Variants in PAPPA2 observed in about 807,000 individuals in gnomAD.
The protein encoded by PAPPA2 is pappalysin 2, also known as pappalysin-2.
PAPPA2 carries 86 observed loss-of-function variants against 176.4 expected under a neutral mutation model. That is an observed-to-expected ratio of 0.49 (90% CI 0.41 to 0.58). The LOEUF is 0.58. PAPPA2 is among the 20% of genes least tolerant of loss of function. The pLI is 0.00. For synonymous variants in PAPPA2, 809 were observed against 852.2 expected (o/e 0.95, Z 0.88); for missense variants, 2,073 against 2,256.9 (o/e 0.92, Z 1.65).
intron 10 of PAPPA2, among the ~76,000 whole-genome samples, chr1:176,706,769 G>C (rs962016143): frequency 5.3e-5 from 8 of 152,138 alleles, no homozygotes; most frequent in Non-Finnish European, 8.8e-5. Context: ...CTGCTTCCTA[G>C]CTTAATGTTA....
intron 2 of PAPPA2, among the ~76,000 whole-genome samples, chr1:176,576,491 GTGTGTGTT>G (rs1177733496): frequency 6.6e-6 from 1 of 151,812 alleles, no homozygotes; most frequent in East Asian, 1.9e-4. Context: ...GTGTGTGTGT[GTGTGTGTT>G]TGTGTGTGTC....
At chr1:176,646,014 CA>C (rs1657379122) in intron 3 of PAPPA2, among the ~76,000 whole-genome samples, 1 of 151,416 alleles carries the variant, frequency 6.6e-6, no homozygotes, top group South Asian at 2.1e-4. Flanking sequence ...GAATAGTTTG[CA>C]AATATTTTCT....
chr1:176,794,384 C>G (rs542384471), intron 20 of PAPPA2, among the ~76,000 whole-genome samples: 12 of 152,284 alleles, frequency 7.9e-5, no homozygotes, highest in Non-Finnish European at 1.0e-4. Context: ...ATGTCTTGCA[C>G]AGTTTCTAGC....
At chr1:176,836,736 C>G (rs1231304469) in intron 21 of PAPPA2, 1 of 152,032 alleles carries the variant, frequency 6.6e-6, no homozygotes, top group Non-Finnish European at 1.5e-5. Context: ...CCCTCACCCC[C>G]AAAATCTGGA....
intron 12 of PAPPA2, among the ~76,000 whole-genome samples, chr1:176,735,166 G>A (rs1157258054): frequency 1.3e-5 from 2 of 151,930 alleles, no homozygotes; most frequent in Non-Finnish European, 2.9e-5. Context: ...TATCAAAAAG[G>A]AATAAAATCA....
intron 3 of PAPPA2, among the ~76,000 whole-genome samples, chr1:176,662,258 A>T (rs2102760089): frequency 6.6e-6 from 1 of 152,302 alleles, no homozygotes; most frequent in Non-Finnish European, 1.5e-5. Context: ...TAATTATGCT[A>T]ACTTCATAAA....
intron 12 of PAPPA2, among the ~76,000 whole-genome samples, chr1:176,725,230 C>A (rs935582725): frequency 2.6e-5 from 4 of 151,966 alleles, no homozygotes; most frequent in African/African-American, 9.7e-5. Context: ...GTTTTTTTAA[C>A]CATTCAAAAA....
intron 2 of PAPPA2, among the ~76,000 whole-genome samples, chr1:176,590,140 C>T (rs1050770875): frequency 9.2e-5 from 14 of 152,106 alleles, no homozygotes; most frequent in African/African-American, 1.4e-4. Flanking sequence ...CAATATTTAC[C>T]CCCTTTTAAA....
At chr1:176,472,673 A>G (rs1008986830) in intron 1 of PAPPA2, among the ~76,000 whole-genome samples, 1 of 152,204 alleles carries the variant, frequency 6.6e-6, no homozygotes, top group African/African-American at 2.4e-5. Flanking sequence ...GATAAAAAAT[A>G]AATAACCTTA....
At chr1:176,562,392 G>A (rs375627598) in intron 2 of PAPPA2, among the ~76,000 whole-genome samples, 5 of 152,316 alleles carry the variant, frequency 3.3e-5, no homozygotes, top group South Asian at 2.1e-4. Flanking sequence ...GGCAGGCCAC[G>A]TGTGGGATCT....
At chr1:176,504,013 C>T (rs10158917) in intron 1 of PAPPA2, among the ~76,000 whole-genome samples, 12,035 of 152,104 alleles carry the variant, frequency 0.079, 587 homozygotes, top group South Asian at 0.15. Flanking sequence ...ATTTCATGTA[C>T]ATTTTTTCAT....
At chr1:176,794,010 C>T (rs536395449) in intron 20 of PAPPA2, among the ~76,000 whole-genome samples, 3 of 152,108 alleles carry the variant, frequency 2.0e-5, no homozygotes, top group South Asian at 2.1e-4. Flanking sequence ...AGGAGAATGG[C>T]GTGAACTCCA....
At chr1:176,724,231 G>A (rs922110563) in intron 12 of PAPPA2, among the ~76,000 whole-genome samples, 2 of 152,110 alleles carry the variant, frequency 1.3e-5, no homozygotes, top group Non-Finnish European at 2.9e-5. Context: ...CTTTTGCTGT[G>A]TTTCTTCTAA....
intron 14 of PAPPA2, among the ~76,000 whole-genome samples, chr1:176,761,004 G>T (rs1184881417): frequency 1.3e-5 from 2 of 152,002 alleles, no homozygotes; most frequent in Non-Finnish European, 2.9e-5. Flanking sequence ...TGTATTTTTA[G>T]TAGAGATGGG....
At chr1:176,810,397 G>A (rs565510786) in intron 21 of PAPPA2, among the ~76,000 whole-genome samples, 1 of 152,294 alleles carries the variant, frequency 6.6e-6, no homozygotes, top group Non-Finnish European at 1.5e-5. Context: ...CATGGACAGT[G>A]TCGGTGGGGG....
chr1:176,669,560 T>C (rs888583463), intron 3 of PAPPA2, among the ~76,000 whole-genome samples: 8 of 152,174 alleles, frequency 5.3e-5, no homozygotes, highest in African/African-American at 1.9e-4. Context: ...TCACATATGA[T>C]ATCATCTCAT....
At chr1:176,839,024 T>C (rs1667382265) in intron 21 of PAPPA2, among the ~76,000 whole-genome samples, 1 of 152,190 alleles carries the variant, frequency 6.6e-6, no homozygotes, top group Non-Finnish European at 1.5e-5. Context: ...CAAAACATGG[T>C]AAAATACAAA....
intron 4 of PAPPA2, among the ~76,000 whole-genome samples, chr1:176,685,474 C>T (rs915914208): frequency 2.6e-5 from 4 of 152,148 alleles, no homozygotes; most frequent in South Asian, 2.1e-4. Flanking sequence ...TGTAACCATG[C>T]GGAGTCTGAC....
intron 3 of PAPPA2, among the ~76,000 whole-genome samples, chr1:176,645,081 T>C (rs971980343): frequency 1.3e-5 from 2 of 151,886 alleles, no homozygotes; most frequent in African/African-American, 2.4e-5. Flanking sequence ...TATTTGTCTT[T>C]TTTATCTTAG....
Sources: allele counts gnomAD v4.1 joint callset (sites outside exome capture counted in the v4.1 genomes callset), GRCh38; gene constraint gnomAD v4.1.1; transcripts MANE v1.5; gene names NCBI Gene and HGNC (gene_info 2026-07-23, HGNC 2026-07-21).